CSMD2: variants seen among roughly 807,000 people sequenced by gnomAD.
The protein encoded by CSMD2 is CUB and sushi domain-containing protein 2.
A neutral mutation model predicts 398.5 loss-of-function variants in CSMD2; 130 were observed. The observed-to-expected ratio is 0.33, with a 90% CI of 0.28 to 0.38. The LOEUF is 0.38. CSMD2 is among the 10% of genes least tolerant of loss of function. CSMD2 has a pLI of 1.00. For missense variants in CSMD2, 3,829 were observed against 4,764.9 expected, an observed-to-expected ratio of 0.80 and a Z score of 5.78; for synonymous variants, 1,828 against 1,908.5, an observed-to-expected ratio of 0.96 and a Z score of 1.10.
chr1:33,908,073 A>G (rs1643215706), intron 5 of CSMD2, among the ~76,000 whole-genome samples: 1 of 142,476 alleles, frequency 7.0e-6, no homozygotes, highest in Non-Finnish European at 1.5e-5. Flanking sequence ...CTGACAGAGC[A>G]AGACTCCATC....
chr1:33,695,653 C>A (rs1471452588), intron 24 of CSMD2, among the ~76,000 whole-genome samples: 1 of 152,230 alleles, frequency 6.6e-6, no homozygotes, highest in Non-Finnish European at 1.5e-5. Flanking sequence ...GGCAGAGTTG[C>A]CCACGCTCTA....
At position 33,831,435 on chromosome 1, in the gene CSMD2, A is replaced by G. The variant is rs551316506; in HGVS notation, c.1034-5661T>C. 7.5e-4 allele frequency among the ~76,000 whole-genome samples: 115 copies of G among 152,342 alleles called. 2 individuals are homozygous for G. Among genetic ancestry groups the G allele is most frequent in the Middle Eastern group, 6.8e-3 (2 of 294 alleles). On this transcript the variant is annotated intron_variant, in intron 6 of 70. Coordinates refer to ENST00000373381, the MANE Select transcript of CSMD2 (RefSeq NM_001281956.2). The stretch of plus-strand genomic sequence containing the variant: ...TAAGCTTCATAAGTGAAGGAGAAAT[A>G]AAATCCCTTACAAACAAGCAAATGC...
intron 4 of CSMD2, 38 bp downstream of exon 4, chr1:33,935,722 A>G: frequency 6.4e-7 from 1 of 1,552,182 alleles, no homozygotes; most frequent in Non-Finnish European, 8.7e-7. Context: ...CCTCCCAGCC[A>G]CTGCCCCACT....
chr1:33,656,168 A>G (rs1643939988), intron 27 of CSMD2, among the ~76,000 whole-genome samples: 1 of 152,130 alleles, frequency 6.6e-6, no homozygotes, highest in Non-Finnish European at 1.5e-5. Flanking sequence ...AGGAAGGAAG[A>G]TAGAAAGGAA....
At position 34,089,032 on chromosome 1, in the gene CSMD2, A is replaced by G. The variant is rs759927305; in HGVS notation, c.349T>C (p.Phe117Leu). ...CCATCAAACACCGACAGGACATCAAAGTCCTCTTCCAGGGCAAAGGACTGG... is the reference window on the plus strand; with the variant it reads ...CCATCAAACACCGACAGGACATCAAGGTCCTCTTCCAGGGCAAAGGACTGG... The part of the protein sequence containing the change: ...VFQSFALEED[F>L]DVLSVFDGPP... The change falls in exon 2 of 71, where the codon TTT (phenylalanine) becomes CTT (leucine). Residue 117 changes from phenylalanine (F) to leucine (L), a missense_variant. Around this residue, in one of 5 missense-constraint regions of CSMD2, gnomAD observed 184 missense variants for 217.7 expected, o/e 0.85. Transcript: ENST00000373381. 1.9e-6 allele frequency: 3 copies of G among 1,614,192 alleles called. No individual in the cohort carries two copies. The highest frequency in any genetic ancestry group is 2.5e-6 in the Non-Finnish European group (3 of 1,180,030).
intron 26 of CSMD2, 137 bp downstream of exon 26, chr1:33,662,753 C>T: frequency 1.2e-6 from 1 of 852,038 alleles, no homozygotes; most frequent in Non-Finnish European, 2.0e-6. Context: ...AGGTGCTAAC[C>T]ATGTACCAGG....
chr1:33,727,490 C>T (rs974489045), intron 15 of CSMD2, among the ~76,000 whole-genome samples: 1 of 152,208 alleles, frequency 6.6e-6, no homozygotes, highest in Non-Finnish European at 1.5e-5. Context: ...TTCAAGGGCA[C>T]ATGATTGGAT....
Position 33,605,486 on chromosome 1 carries a change from A to T in CSMD2, c.6344-16T>A, listed in dbSNP as rs754764748. 20 of 1,613,414 alleles carry T rather than the reference A, an allele frequency of 1.2e-5. No individual in the cohort carries two copies. Among genetic ancestry groups the T allele is most frequent in the Non-Finnish European group, 5.1e-6 (6 of 1,179,574 alleles). On this transcript the variant is annotated splice_polypyrimidine_tract_variant and intron_variant, in intron 41 of 70. Coordinates refer to ENST00000373381, the MANE Select transcript of CSMD2 (RefSeq NM_001281956.2). ...AGTTCATAGGCTGGAAAAGATCCGG[A>T]GAAAAGGTCACTTTATTCTCTCTGA...
intron 15 of CSMD2, among the ~76,000 whole-genome samples, chr1:33,727,943 C>T (rs1460999287): frequency 1.3e-5 from 2 of 152,158 alleles, no homozygotes; most frequent in East Asian, 1.9e-4. Flanking sequence ...GGGTTGACTC[C>T]ACCTCAGTCA....
intron 1 of CSMD2, among the ~76,000 whole-genome samples, chr1:34,155,122 G>A (rs1164833155): frequency 6.6e-6 from 1 of 152,188 alleles, no homozygotes; most frequent in African/African-American, 2.4e-5. Context: ...GATGAAGGGA[G>A]GCAAACTTTG....
At position 34,163,651 on chromosome 1, in the gene CSMD2, CAAAACAAAACAAAAACA is replaced by C. The variant is rs763877634; in HGVS notation, c.187+1243_187+1259del. ...TTCAATCGGTGGTTTCAAAACAAAA[CAAAACAAAACAAAAACA>C]AAAACAAAAAAGAAAACACGGCTCC... On this transcript the variant is annotated intron_variant, in intron 1 of 70. Coordinates refer to ENST00000373381, the MANE Select transcript of CSMD2 (RefSeq NM_001281956.2). The surrounding 1 kb of genome is among the most constrained non-coding windows in gnomAD (Gnocchi z 5.4). Among the ~76,000 whole-genome samples, 8 of 151,908 alleles carry C rather than the reference CAAAACAAAACAAAAACA, an allele frequency of 5.3e-5. No homozygotes were observed. Among genetic ancestry groups the C allele is most frequent in the Non-Finnish European group, 7.4e-5 (5 of 67,998 alleles).
At chr1:33,739,422 A>C in intron 14 of CSMD2, 88 bp from the exon 15 acceptor site, 1 of 1,263,248 alleles carries the variant, frequency 7.9e-7, no homozygotes, top group Non-Finnish European at 1.1e-6. Context: ...GGGATGGGAA[A>C]CCCTAGAACT....
chr1:33,683,621 C>T (rs544825997), intron 25 of CSMD2, among the ~76,000 whole-genome samples: 24 of 152,128 alleles, frequency 1.6e-4, no homozygotes, highest in Non-Finnish European at 2.4e-4. Context: ...CAGTGTAGCT[C>T]GGTTAGATTA....
chr1:33,878,317 A>T (rs941201426), intron 5 of CSMD2: 1 of 152,276 alleles, frequency 6.6e-6, no homozygotes, highest in Non-Finnish European at 1.5e-5. Flanking sequence ...GAGCAACCAC[A>T]CTTCCCCTCT....
intron 2 of CSMD2, among the ~76,000 whole-genome samples, chr1:34,063,426 G>C (rs1165446132): frequency 6.6e-6 from 1 of 152,216 alleles, no homozygotes; most frequent in Non-Finnish European, 1.5e-5. Flanking sequence ...GGTAAATACA[G>C]CCATTCCAAA....
In CSMD2 at chr1:33,646,719, C is replaced by T. The variant is rs1643449880; in HGVS notation, c.4703G>A (p.Ser1568Asn). 6.2e-7 allele frequency: 1 copy of T among 1,614,198 alleles called. No individual in the cohort carries two copies. Among genetic ancestry groups the T allele is most frequent in the South Asian group, 1.1e-5 (1 of 91,082 alleles). The change falls in exon 29 of 71, where the codon AGC (serine) becomes AAC (asparagine). Residue 1568 changes from serine to asparagine, a missense_variant. Ser to Asn is a conservative substitution (Grantham distance 46). Transcript: ENST00000373381. ...GCGGAAGGCGAGGAAGAGGCTGTTG[C>T]TGCTGCTTTCAATGCGGCCTGGGAG... is the stretch of plus-strand genomic sequence containing the variant. ...SQLPGRIESS[S>N]NSLFLAFRSD...
chr1:34,081,230 C>G (rs1657067355), intron 2 of CSMD2, among the ~76,000 whole-genome samples: 2 of 152,124 alleles, frequency 1.3e-5, no homozygotes, highest in African/African-American at 4.8e-5. Context: ...CCCCACCAAG[C>G]ATGCTTGCTG....
At position 34,165,071 on chromosome 1, in the gene CSMD2, C is replaced by T; in HGVS notation, c.27G>A (p.Leu9=). The part of the protein sequence containing the change: MPRSRGRE[L]GRCGCPAGRA... Reference sequence around the variant, plus strand: ...TCCCCGCGGGGCAGCCGCAGCGCCCCAGCTCCCGTCCCCGCGAGCGCGGCA... The same window carrying T: ...TCCCCGCGGGGCAGCCGCAGCGCCCTAGCTCCCGTCCCCGCGAGCGCGGCA... Residue 9 remains leucine (L), a synonymous_variant, in exon 1 of 71, where the codon CTG becomes CTA. Transcript: ENST00000373381. The T allele has an allele frequency of 1.6e-6, 2 of 1,215,208 alleles. No homozygotes were observed. Among genetic ancestry groups the T allele is most frequent in the Non-Finnish European group, 2.0e-6 (2 of 977,224 alleles). 75.3% of individuals were successfully genotyped at this position (1,215,208 alleles called of 1,614,324 possible).
chr1:33,782,121 A>G (rs1263135067), intron 12 of CSMD2, among the ~76,000 whole-genome samples: 1 of 152,082 alleles, frequency 6.6e-6, no homozygotes, highest in African/African-American at 2.4e-5. Context: ...AATGATGGAT[A>G]TGGGAGGTCT....
Sources: allele counts gnomAD v4.1 joint callset (sites outside exome capture counted in the v4.1 genomes callset), GRCh38; gene constraint gnomAD v4.1.1; regional missense constraint gnomAD v4.1.1; non-coding constraint Gnocchi (gnomAD v3.1); transcripts MANE v1.5; gene names NCBI Gene and HGNC (gene_info 2026-07-23, HGNC 2026-07-21).